Variants in MTDH observed in about 807,000 individuals in gnomAD.
The protein encoded by MTDH is protein LYRIC.
MTDH carries 34 observed loss-of-function variants against 72.7 expected under a neutral mutation model. The ratio of observed to expected loss-of-function variants is 0.47; its 90% CI spans 0.36 to 0.62. The LOEUF is 0.62. Among genes scored for constraint, MTDH ranks in the 20% least tolerant of loss-of-function variants. The probability of loss-of-function intolerance (pLI) is 0.00; values close to 1 mark genes in which losing one functional copy is unlikely to be tolerated. For synonymous variants in MTDH, 266 were observed against 268.9 expected (o/e 0.99, Z 0.10); for missense variants, 677 against 699.4 (o/e 0.97, Z 0.36).
chr8:97,705,268 G>A (rs571729425), intron 7 of MTDH, among the ~76,000 whole-genome samples: 110 of 151,344 alleles, frequency 7.3e-4, no homozygotes, highest in Admixed American at 1.3e-3. Flanking sequence ...CTGCACTCTA[G>A]CCTGGGTGAC....
At chr8:97,680,052 A>G (rs1813008413) in intron 2 of MTDH, among the ~76,000 whole-genome samples, 1 of 152,122 alleles carries the variant, frequency 6.6e-6, no homozygotes, top group Non-Finnish European at 1.5e-5. Flanking sequence ...ATTATTTATC[A>G]AAGCCTTTTC....
intron 1 of MTDH, among the ~76,000 whole-genome samples, chr8:97,645,499 G>A (rs1054976258): frequency 2.0e-5 from 3 of 152,214 alleles, no homozygotes; most frequent in Admixed American, 6.5e-5. Flanking sequence ...AGGCAAGAGG[G>A]GGTCGGTTAC....
At chr8:97,680,953 C>T (rs1813043979) in intron 2 of MTDH, among the ~76,000 whole-genome samples, 1 of 152,114 alleles carries the variant, frequency 6.6e-6, no homozygotes, top group Non-Finnish European at 1.5e-5. Flanking sequence ...AACACTTTAA[C>T]ACATGGAAAG....
intron 9 of MTDH, among the ~76,000 whole-genome samples, chr8:97,718,589 C>T (rs1320860342): frequency 4.7e-5 from 7 of 149,196 alleles, no homozygotes; most frequent in East Asian, 2.0e-4. Flanking sequence ...GGTGCGATCT[C>T]GGCTCACTGC....
intron 8 of MTDH, among the ~76,000 whole-genome samples, chr8:97,708,259 C>G (rs1814447433): frequency 8.2e-6 from 1 of 121,566 alleles, no homozygotes; most frequent in Non-Finnish European, 1.6e-5. Flanking sequence ...GCCACCATGC[C>G]AGGCCTTTTT....
chr8:97,671,819 G>A (rs1021910791), intron 2 of MTDH, among the ~76,000 whole-genome samples: 4 of 152,092 alleles, frequency 2.6e-5, no homozygotes, highest in Non-Finnish European at 4.4e-5. Flanking sequence ...CCTCCAGCCC[G>A]GATGGTAGAG....
At chr8:97,667,054 C>T (rs1351263591) in intron 2 of MTDH, among the ~76,000 whole-genome samples, 6 of 152,138 alleles carry the variant, frequency 3.9e-5, no homozygotes, top group Admixed American at 2.6e-4. Context: ...CGCAGTGGCA[C>T]AGTCATGCTC....
chr8:97,644,460 C>G lies in MTDH; in HGVS notation c.-47C>G, dbSNP rs532644473. On this transcript the variant is annotated 5_prime_UTR_variant, in exon 1 of 12. Transcript: ENST00000336273. The stretch of plus-strand genomic sequence containing the variant: ...GCTTCCCTCGACTATTCCACTGCGT[C>G]TCCGCGCCCCGGCGTCATCCTGCGA... 8 of 1,525,504 alleles carry G rather than the reference C, an allele frequency of 5.2e-6. No homozygotes were observed. The highest frequency in any genetic ancestry group is 2.3e-4 in the Middle Eastern group (1 of 4,358). 94.5% of individuals were successfully genotyped at this position (1,525,504 alleles called of 1,614,324 possible). A position where few individuals can be genotyped will look rare whatever the true frequency, so the allele number is the denominator to read the frequency against.
At chr8:97,712,262 T>G (rs1054403525) in intron 8 of MTDH, among the ~76,000 whole-genome samples, 4 of 152,224 alleles carry the variant, frequency 2.6e-5, no homozygotes, top group Admixed American at 2.6e-4. Flanking sequence ...GCTCTTGAAC[T>G]CCTGACCTTA....
chr8:97,644,984 A>C (rs986212317), intron 1 of MTDH, 97 bp downstream of exon 1: 33 of 1,382,660 alleles, frequency 2.4e-5, no homozygotes, highest in African/African-American at 4.6e-5. Context: ...GAAGGAAAAG[A>C]GTGCTTAGTC....
At chr8:97,668,992 G>T (rs1046972249) in intron 2 of MTDH, among the ~76,000 whole-genome samples, 1 of 152,004 alleles carries the variant, frequency 6.6e-6, no homozygotes, top group Non-Finnish European at 1.5e-5. Context: ...AAAGCCCCCT[G>T]CCTTGTCTCA....
intron 2 of MTDH, among the ~76,000 whole-genome samples, chr8:97,671,407 T>C (rs565911242): frequency 1.3e-5 from 2 of 152,332 alleles, no homozygotes; most frequent in South Asian, 4.1e-4. Context: ...ACATTAAAGA[T>C]ATTTGCAGAA....
intron 10 of MTDH, among the ~76,000 whole-genome samples, chr8:97,721,854 A>C (rs1815143412): frequency 6.6e-6 from 1 of 152,236 alleles, no homozygotes; most frequent in Admixed American, 6.5e-5. Context: ...ACCAGACTGG[A>C]TAAAACACTG....
chr8:97,696,105 T>A (rs545256548), intron 6 of MTDH: 6 of 345,516 alleles, frequency 1.7e-5, no homozygotes, highest in African/African-American at 1.3e-4. Flanking sequence ...TTCTCATTTC[T>A]AAGGTTATCT....
At chr8:97,655,458 G>A (rs945520895) in intron 1 of MTDH, among the ~76,000 whole-genome samples, 2 of 152,218 alleles carry the variant, frequency 1.3e-5, no homozygotes, top group Non-Finnish European at 2.9e-5. Flanking sequence ...AAGCCTCTGA[G>A]AGGATATATT....
chr8:97,703,967 T>G (rs1462641930), intron 7 of MTDH, among the ~76,000 whole-genome samples: 1 of 152,220 alleles, frequency 6.6e-6, no homozygotes, highest in Non-Finnish European at 1.5e-5. Context: ...AAATGTATAT[T>G]TGTTTGACAT....
At chr8:97,689,253 G>A (rs2131005194) in intron 5 of MTDH, 150 bp downstream of exon 5, 1 of 438,502 alleles carries the variant, frequency 2.3e-6, no homozygotes, top group East Asian at 3.6e-5. Context: ...ACAGTACAGA[G>A]ATTTTGGAAA....
intron 6 of MTDH, among the ~76,000 whole-genome samples, chr8:97,694,307 C>G (rs1377122975): frequency 6.6e-6 from 1 of 151,864 alleles, no homozygotes; most frequent in Non-Finnish European, 1.5e-5. Context: ...AAGCAATTCT[C>G]CTGCCTCAGC....
intron 1 of MTDH, among the ~76,000 whole-genome samples, chr8:97,658,790 A>T (rs1372974747): frequency 6.6e-6 from 1 of 152,196 alleles, no homozygotes; most frequent in Non-Finnish European, 1.5e-5. Context: ...AGAAAATCAG[A>T]AAAGGCAAGT....
Sources: gnomAD v4.1 joint callset for allele counts (sites outside exome capture counted in the v4.1 genomes callset) on GRCh38, gnomAD v4.1.1 for gene constraint, MANE v1.5 for transcripts, NCBI Gene and HGNC (gene_info 2026-07-23, HGNC 2026-07-21) for gene names.